CLSTN1: variants seen among roughly 807,000 people sequenced by gnomAD.
The protein encoded by CLSTN1 is calsyntenin 1.
In CLSTN1, 28 loss-of-function variants were observed where a neutral mutation model predicts 108.3. The observed-to-expected ratio is 0.26, with a 90% CI of 0.19 to 0.35. The LOEUF is 0.35. CLSTN1 is among the 10% of genes least tolerant of loss of function. CLSTN1 has a pLI of 1.00. For missense variants in CLSTN1, 1,157 were observed against 1,302.6 expected, an observed-to-expected ratio of 0.89 and a Z score of 1.72; for synonymous variants, 524 against 534.9, an observed-to-expected ratio of 0.98 and a Z score of 0.28.
chr1:9,804,074 G>A (rs1654399195), intron 1 of CLSTN1, among the ~76,000 whole-genome samples: 2 of 151,994 alleles, frequency 1.3e-5, no homozygotes. Flanking sequence ...CCTTATTAAA[G>A]GCGAGGGGCC....
chr1:9,752,679 T>G (rs1045989472), intron 4 of CLSTN1, among the ~76,000 whole-genome samples: 4 of 151,990 alleles, frequency 2.6e-5, no homozygotes, highest in African/African-American at 9.7e-5. Flanking sequence ...CTGGCCAACA[T>G]GGTGAAACTC....
chr1:9,743,799 C>T, intron 9 of CLSTN1, 85 bp downstream of exon 9: 1 of 1,501,308 alleles, frequency 6.7e-7, no homozygotes, highest in South Asian at 1.2e-5. Context: ...CTCAAGCAAT[C>T]CTCGTGCCCC....
chr1:9,808,665 G>A (rs138326137), intron 1 of CLSTN1, among the ~76,000 whole-genome samples: 135 of 152,096 alleles, frequency 8.9e-4, no homozygotes, highest in African/African-American at 3.1e-3. Flanking sequence ...CCCAGGCCTG[G>A]GGACAGACTG....
chr1:9,770,238 T>C (rs192892173), intron 2 of CLSTN1, among the ~76,000 whole-genome samples: 2 of 152,304 alleles, frequency 1.3e-5, no homozygotes, highest in Non-Finnish European at 2.9e-5. Flanking sequence ...AAAATACATA[T>C]CACAACATAT....
Position 9,823,309 on chromosome 1 carries a change from A to G in CLSTN1, c.91+334T>C, listed in dbSNP as rs1009486116. On this transcript the variant is annotated intron_variant, in intron 1 of 18. Coordinates refer to ENST00000377298, the MANE Select transcript of CLSTN1 (RefSeq NM_001009566.3). This position sits in a 1 kb window ranked among gnomAD's most constrained non-coding sequence, Gnocchi z 6.3. ...TTCGGCCCGTCTGCACGTTCCCCCAAATCAGCGCAGCCACCACCATGGGCT... is the reference window on the plus strand; with the variant it reads ...TTCGGCCCGTCTGCACGTTCCCCCAGATCAGCGCAGCCACCACCATGGGCT... Among the ~76,000 whole-genome samples the G allele has an allele frequency of 6.6e-6, 1 of 152,136 alleles. No individual in the cohort carries two copies. Among genetic ancestry groups the G allele is most frequent in the African/African-American group, 2.4e-5 (1 of 41,434 alleles).
chr1:9,781,073 A>G, intron 1 of CLSTN1: 2 of 662,602 alleles, frequency 3.0e-6, no homozygotes, highest in Non-Finnish European at 2.7e-6. Context: ...CTAATCACAC[A>G]TTCTGCTTGA....
intron 5 of CLSTN1, 37 bp downstream of exon 5, chr1:9,751,436 G>A (rs1557698274): frequency 1.2e-6 from 2 of 1,602,046 alleles, no homozygotes; most frequent in Non-Finnish European, 1.7e-6. Context: ...AGCAGGGACT[G>A]TCTACCTAGC....
At chr1:9,778,237 C>CACACAA (rs1653052045) in intron 1 of CLSTN1, among the ~76,000 whole-genome samples, 1 of 150,830 alleles carries the variant, frequency 6.6e-6, no homozygotes, top group African/African-American at 2.4e-5. Flanking sequence ...CACACACACA[C>CACACAA]ACACACACAC....
chr1:9,755,452 A>G, intron 3 of CLSTN1, 143 bp from the exon 4 acceptor site: 1 of 607,058 alleles, frequency 1.6e-6, no homozygotes, highest in Non-Finnish European at 2.8e-6. Context: ...TGGACAAAGC[A>G]GGGGCACTGT....
At chr1:9,776,862 T>TTATCTATC (rs70998308) in intron 1 of CLSTN1, among the ~76,000 whole-genome samples, 21,836 of 139,964 alleles carry the variant, frequency 0.16, 1,796 homozygotes, top group East Asian at 0.24. Context: ...CTATCAGCAT[T>TTATCTATC]TATCTATCTA....
At chr1:9,763,766 G>A (rs1402106256) in intron 2 of CLSTN1, among the ~76,000 whole-genome samples, 1 of 152,088 alleles carries the variant, frequency 6.6e-6, no homozygotes, top group Admixed American at 6.6e-5. Flanking sequence ...AAGCTGACCT[G>A]GTCACCTACC....
rs1650597499 is a variant in CLSTN1 at position 9,734,842 on chromosome 1, TAA to T, written c.2110+104_2110+105del. 1 of 965,216 alleles carries T rather than the reference TAA, an allele frequency of 1.0e-6. No individual in the cohort carries two copies. The highest frequency in any genetic ancestry group is 1.6e-6 in the Non-Finnish European group (1 of 630,012). The allele number at this position is 965,216 out of a possible 1,614,324, so 59.8% of individuals were successfully genotyped here. A position where few individuals can be genotyped will look rare whatever the true frequency, so the allele number is the denominator to read the frequency against. ...ACCCGAGAGAACACCAACGAAAGAT[TAA>T]AACCTCCCCAAATCCCACAGAGACA... On this transcript the variant is annotated intron_variant, in intron 14 of 18. Coordinates refer to ENST00000377298, the MANE Select transcript of CLSTN1 (RefSeq NM_001009566.3). This position sits in a 1 kb window ranked among gnomAD's most constrained non-coding sequence, Gnocchi z 4.8.
intron 1 of CLSTN1, among the ~76,000 whole-genome samples, chr1:9,816,188 G>A (rs556121605): frequency 9.7e-4 from 147 of 152,194 alleles, no homozygotes; most frequent in Middle Eastern, 3.4e-3. Context: ...GAAAAGAAAC[G>A]AAGTCCTGAT....
chr1:9,792,271 C>T (rs979693850), intron 1 of CLSTN1, among the ~76,000 whole-genome samples: 1 of 151,310 alleles, frequency 6.6e-6, no homozygotes, highest in Admixed American at 6.7e-5. Flanking sequence ...ACAGCAATGC[C>T]GGTATTCCAC....
chr1:9,742,830 C>A (rs1244309232), intron 9 of CLSTN1, among the ~76,000 whole-genome samples: 1 of 151,946 alleles, frequency 6.6e-6, no homozygotes, highest in Non-Finnish European at 1.5e-5. Context: ...ATCGCTTGAA[C>A]CCGGGAGGTG....
intron 2 of CLSTN1, among the ~76,000 whole-genome samples, chr1:9,762,289 C>T (rs1345483723): frequency 6.6e-5 from 10 of 151,978 alleles, no homozygotes; most frequent in Admixed American, 1.3e-4. Flanking sequence ...TGGTGAAACC[C>T]GTCTCTACTA....
intron 1 of CLSTN1, among the ~76,000 whole-genome samples, chr1:9,777,928 C>T (rs1396232219): frequency 6.6e-6 from 1 of 152,104 alleles, no homozygotes; most frequent in Non-Finnish European, 1.5e-5. Flanking sequence ...GTCCTTCCTG[C>T]TGCTCTCACC....
chr1:9,781,779 C>G (rs1443510005), intron 1 of CLSTN1, among the ~76,000 whole-genome samples: 4 of 151,966 alleles, frequency 2.6e-5, no homozygotes, highest in African/African-American at 4.8e-5. Context: ...GCTTCCACAT[C>G]GCCATGTTCA....
Position 9,773,319 on chromosome 1 carries a change from T to C in CLSTN1, c.167A>G (p.Asp56Gly). The change falls in exon 2 of 19, where the codon GAC becomes GGC. Residue 56 changes from aspartate to glycine, a missense_variant. Asp to Gly is a moderately conservative substitution (Grantham distance 94). Transcript: ENST00000377298. ...VTENDNTVLL[D>G]PPLIALDKDA... ...TTTATCCAGCGCGATCAGTGGGGGG[T>C]CGAGGAGCACGGTGTTGTCGTTCTC... 1 of 1,613,934 alleles carries C rather than the reference T, an allele frequency of 6.2e-7. No individual in the cohort carries two copies. Among genetic ancestry groups the C allele is most frequent in the Non-Finnish European group, 8.5e-7 (1 of 1,179,994 alleles).
Sources: allele counts gnomAD v4.1 joint callset (sites outside exome capture counted in the v4.1 genomes callset), GRCh38; gene constraint gnomAD v4.1.1; non-coding constraint Gnocchi (gnomAD v3.1); transcripts MANE v1.5; gene names NCBI Gene and HGNC (gene_info 2026-07-23, HGNC 2026-07-21).